FBXO7: variants seen among roughly 807,000 people sequenced by gnomAD.
FBXO7 encodes the protein F-box only protein 7.
FBXO7 carries 31 observed loss-of-function variants against 50.2 expected under a neutral mutation model. That is an observed-to-expected ratio of 0.62 (90% CI 0.46 to 0.83). FBXO7 has a LOEUF of 0.83. FBXO7 is among the 40% of genes least tolerant of loss of function. The pLI is 0.00. For synonymous variants in FBXO7, 256 were observed against 253.1 expected, an observed-to-expected ratio of 1.01 and a Z score of -0.11; for missense variants, 667 against 646.6, an observed-to-expected ratio of 1.03 and a Z score of -0.34.
At chr22:32,481,884 T>TG (rs2057467185) in intron 2 of FBXO7, among the ~76,000 whole-genome samples, 1 of 151,124 alleles carries the variant, frequency 6.6e-6, no homozygotes, top group Non-Finnish European at 1.5e-5. Context: ...GTGCTCACCT[T>TG]TTTTTTTTCA....
intron 1 of FBXO7, among the ~76,000 whole-genome samples, chr22:32,478,495 T>C (rs1316169832): frequency 6.6e-6 from 1 of 152,114 alleles, no homozygotes; most frequent in Admixed American, 6.5e-5. Flanking sequence ...GTCCCCCAGG[T>C]GGAGAGTTTT....
At chr22:32,480,470 A>G (rs2057457461) in intron 2 of FBXO7, among the ~76,000 whole-genome samples, 1 of 150,018 alleles carries the variant, frequency 6.7e-6, no homozygotes, top group South Asian at 2.1e-4. Context: ...ATGTGCACAC[A>G]CACAACCTGG....
intron 3 of FBXO7, 99 bp downstream of exon 3, chr22:32,484,223 G>C: frequency 1.0e-6 from 1 of 998,176 alleles, no homozygotes; most frequent in Non-Finnish European, 1.6e-6. Context: ...GGCAGAGAGA[G>C]ACAAAAATAT....
rs886057423 is a variant in FBXO7, at chr22:32,498,812, A to T, written c.*282A>T. 7 of 443,914 alleles carry T rather than the reference A, an allele frequency of 1.6e-5. No individual in the cohort carries two copies. The highest frequency in any genetic ancestry group is 7.6e-5 in the Admixed American group (2 of 26,250). The allele number at this position is 443,914 out of a possible 1,614,324, so 27.5% of individuals were successfully genotyped here. A position where few individuals can be genotyped will look rare whatever the true frequency, so the allele number is the denominator to read the frequency against. ...TTTCTGATGCTGTTCTTACCAGATT[A>T]AAAAAAAGTGTAAATTACATGGTGG... is the stretch of plus-strand genomic sequence containing the variant. On this transcript the variant is annotated 3_prime_UTR_variant, in exon 9 of 9. Transcript: ENST00000266087.
At chr22:32,480,307 A>T (rs886177958) in intron 2 of FBXO7, among the ~76,000 whole-genome samples, 16 of 152,136 alleles carry the variant, frequency 1.1e-4, no homozygotes, top group Admixed American at 2.6e-4. Context: ...GTCCTCCTGT[A>T]CCTAGTGCTC....
At chr22:32,484,216 A>C in intron 3 of FBXO7, 92 bp downstream of exon 3, 1 of 1,054,064 alleles carries the variant, frequency 9.5e-7, no homozygotes, top group South Asian at 1.3e-5. Flanking sequence ...TGAGAGTGGC[A>C]GAGAGAGACA....
intron 1 of FBXO7, chr22:32,478,039 GAGGAGTC>G (rs2057439953): frequency 6.6e-6 from 1 of 152,322 alleles, no homozygotes; most frequent in South Asian, 2.1e-4. Context: ...GAATGATGAA[GAGGAGTC>G]AGTCATTTGA....
At chr22:32,496,542 T>A (rs2057576421) in intron 8 of FBXO7, among the ~76,000 whole-genome samples, 1 of 152,128 alleles carries the variant, frequency 6.6e-6, no homozygotes, top group South Asian at 2.1e-4. Flanking sequence ...CTTTGCTCTG[T>A]AAATGGAACA....
At position 32,485,170 on chromosome 22, in the gene FBXO7, C is replaced by A; in HGVS notation, c.748C>A (p.Leu250Ile). The change falls in exon 4 of 9, where the codon CTC becomes ATC. Residue 250 changes from leucine to isoleucine, a missense_variant. Leu to Ile is a conservative substitution (Grantham distance 5, BLOSUM62 2). Coordinates refer to ENST00000266087, the MANE Select transcript of FBXO7 (RefSeq NM_012179.4). ...TCTCTGCGAGGGCAGCTCCGCTACT[C>A]TCACCTGTGTGCCTTTGGGAAACCT... ...HPLCEGSSAT[L>I]TCVPLGNLIV... 1 of 1,614,182 alleles carries A rather than the reference C, an allele frequency of 6.2e-7. No homozygotes were observed. The highest frequency in any genetic ancestry group is 1.1e-5 in the South Asian group (1 of 91,084).
At chr22:32,485,022 T>C in intron 3 of FBXO7, 46 bp from the exon 4 acceptor site, 2 of 1,613,548 alleles carry the variant, frequency 1.2e-6, no homozygotes, top group Non-Finnish European at 1.7e-6. Context: ...TTTTTGAGAG[T>C]AACACCTTTC....
intron 8 of FBXO7, among the ~76,000 whole-genome samples, chr22:32,496,596 G>T (rs1401638152): frequency 1.3e-5 from 2 of 152,176 alleles, no homozygotes; most frequent in African/African-American, 2.4e-5. Flanking sequence ...ATGGTTTACT[G>T]AATATTTCAA....
chr22:32,478,662 A>T (rs1018495846), intron 1 of FBXO7, among the ~76,000 whole-genome samples: 1 of 152,132 alleles, frequency 6.6e-6, no homozygotes, highest in African/African-American at 2.4e-5. Context: ...TGAGGCTGCC[A>T]TGAGCTGTGA....
intron 2 of FBXO7, 138 bp downstream of exon 2, chr22:32,479,413 T>G: frequency 1.2e-6 from 1 of 811,102 alleles, no homozygotes; most frequent in Non-Finnish European, 1.8e-6. Context: ...TTTTTTTTTT[T>G]TTTGAGACAG....
rs2057491420 is a variant in FBXO7, at chr22:32,485,221, G to A, written c.787+12G>A. On this transcript the variant is annotated intron_variant, in intron 4 of 8. Transcript: ENST00000266087. Reference sequence around the variant, plus strand: ...GATTGTTGTAAATGGTAATTGGATAGCATAGTCATGGTTGCTGGTTTATGG... The same window carrying A: ...GATTGTTGTAAATGGTAATTGGATAACATAGTCATGGTTGCTGGTTTATGG... The A allele has an allele frequency of 1.9e-6, 3 of 1,614,030 alleles. No individual in the cohort carries two copies. Among genetic ancestry groups the A allele is most frequent in the Non-Finnish European group, 2.5e-6 (3 of 1,179,940 alleles).
intron 6 of FBXO7, chr22:32,492,635 A>G (rs1029302): frequency 0.62 from 129,562 of 208,546 alleles, 40,763 homozygotes; most frequent in East Asian, 0.7. Flanking sequence ...AAGTAGGTGG[A>G]ATGTAATATT....
chr22:32,479,030 G>A lies in FBXO7; in HGVS notation c.172G>A (p.Gly58Arg), dbSNP rs2057446331. ...ATTGAACTACAAGGATCCCCTCACT[G>A]GAGATGAAGAGACCTTGGCTTCATA... ...ITLNYKDPLT[G>R]DEETLASYGI... The change falls in exon 2 of 9, where the codon GGA becomes AGA. Residue 58 changes from glycine to arginine, a missense_variant. Coordinates refer to ENST00000266087, the MANE Select transcript of FBXO7 (RefSeq NM_012179.4). The A allele has an allele frequency of 6.2e-7, 1 of 1,614,082 alleles. No homozygotes were observed. The highest frequency in any genetic ancestry group is 1.1e-5 in the South Asian group (1 of 91,088).
intron 5 of FBXO7, chr22:32,490,826 T>C (rs1194021328): frequency 2.3e-6 from 1 of 439,170 alleles, no homozygotes; most frequent in Admixed American, 3.8e-5. Context: ...ACAAGTCTTT[T>C]CTACAACTGC....
chr22:32,498,593 TC>T lies in FBXO7; in HGVS notation c.*65del. 6.5e-7 allele frequency: 1 copy of T among 1,538,634 alleles called. No individual in the cohort carries two copies. The highest frequency in any genetic ancestry group is 8.8e-7 in the Non-Finnish European group (1 of 1,136,370). ...TTGTTTCTAAACTACAGATGTCAAC[TC>T]CTTGGGGTGCTGATCTCGAGTGTTA... On this transcript the variant is annotated 3_prime_UTR_variant, in exon 9 of 9. Transcript: ENST00000266087.
Position 32,479,193 on chromosome 22 carries a change from A to G in FBXO7, c.335A>G (p.Gln112Arg), listed in dbSNP as rs1303342856. Residue 112 changes from glutamine to arginine, a missense_variant, in exon 2 of 9, where the codon CAG (glutamine) becomes CGG (arginine). Physicochemically the swap from Gln to Arg is conservative, Grantham distance 43. Coordinates refer to ENST00000266087, the MANE Select transcript of FBXO7 (RefSeq NM_012179.4). ...CCCTCTTTGGCCACCAGCTCCAATC[A>G]GACTAGCATGCAGGATGAACAACCA... ...EQPSLATSSN[Q>R]TSMQDEQPSD... 6.2e-7 allele frequency: 1 copy of G among 1,614,134 alleles called. No homozygotes were observed. The highest frequency in any genetic ancestry group is 1.3e-5 in the African/African-American group (1 of 75,014).
Sources: allele counts gnomAD v4.1 joint callset (sites outside exome capture counted in the v4.1 genomes callset), GRCh38; gene constraint gnomAD v4.1.1; transcripts MANE v1.5; gene names NCBI Gene and HGNC (gene_info 2026-07-23, HGNC 2026-07-21).